BCLAF1: variants seen among roughly 807,000 people sequenced by gnomAD.
BCLAF1 encodes the protein bcl-2-associated transcription factor 1.
Under a neutral mutation model 99.5 loss-of-function variants are expected in BCLAF1, and 10 were observed. The observed-to-expected ratio is 0.10, with a 90% CI of 0.06 to 0.17. The LOEUF is 0.17. Ranked by LOEUF, BCLAF1 falls within the 10% of genes least tolerant of loss-of-function variation. BCLAF1 has a pLI of 1.00. For missense variants in BCLAF1, 636 were observed against 1,105.8 expected, an observed-to-expected ratio of 0.58 and a Z score of 6.02; for synonymous variants, 255 against 370.9, an observed-to-expected ratio of 0.69 and a Z score of 3.59.
rs76890371 is a variant in BCLAF1, at chr6:136,261,103, A to C, written c.*7T>G. 1 of 1,577,596 alleles carries C rather than the reference A, an allele frequency of 6.3e-7. No individual in the cohort carries two copies. The highest frequency in any genetic ancestry group is 1.4e-5 in the African/African-American group (1 of 72,882). The stretch of plus-strand genomic sequence containing the variant: ...TTCTGCTCTGTTGTAATCTTACTTC[A>C]TATTTATTATTCCTAAAAGAGAGAG... On this transcript the variant is annotated 3_prime_UTR_variant, in exon 13 of 13. Transcript: ENST00000531224.
intron 2 of BCLAF1, among the ~76,000 whole-genome samples, chr6:136,281,032 G>A (rs1784326104): frequency 6.6e-6 from 1 of 152,124 alleles, no homozygotes; most frequent in Non-Finnish European, 1.5e-5. Flanking sequence ...AATAGTATTT[G>A]GAGGTACTAA....
chr6:136,282,339 CTT>C (rs1784482794), intron 2 of BCLAF1, among the ~76,000 whole-genome samples: 1 of 151,854 alleles, frequency 6.6e-6, no homozygotes, highest in South Asian at 2.1e-4. Context: ...TGTCCTGAGT[CTT>C]TTAGTAGATG....
In BCLAF1 at chr6:136,259,378, G is replaced by A. The variant is rs1780700524; in HGVS notation, c.*1732C>T. The A allele has an allele frequency of 6.6e-6, 1 of 151,904 alleles. No homozygotes were observed. The highest frequency in any genetic ancestry group is 1.5e-5 in the Non-Finnish European group (1 of 67,864). The allele number at this position is 151,904 out of a possible 1,614,324, so 9.4% of individuals were successfully genotyped here. ...TGATGTCTAACCAAGTAACTGTTAT[G>A]GTATTTATTTGTATACAATAAAAGG... On this transcript the variant is annotated 3_prime_UTR_variant, in exon 13 of 13. Coordinates refer to ENST00000531224, the MANE Select transcript of BCLAF1 (RefSeq NM_014739.3).
intron 1 of BCLAF1, among the ~76,000 whole-genome samples, chr6:136,283,397 T>C (rs1784642276): frequency 6.6e-6 from 1 of 152,144 alleles, no homozygotes; most frequent in Non-Finnish European, 1.5e-5. Context: ...TTGATACGTC[T>C]ACATTCAAAT....
At chr6:136,287,875 G>A (rs1785363256) in intron 1 of BCLAF1, among the ~76,000 whole-genome samples, 1 of 152,150 alleles carries the variant, frequency 6.6e-6, no homozygotes, top group Non-Finnish European at 1.5e-5. Flanking sequence ...ACAAAAATTA[G>A]CCCGGTGTGG....
intron 4 of BCLAF1, among the ~76,000 whole-genome samples, chr6:136,277,570 G>A (rs1783607356): frequency 6.6e-6 from 1 of 152,090 alleles, no homozygotes; most frequent in Non-Finnish European, 1.5e-5. Context: ...CTATCGCCCA[G>A]GCTGGAGTGC....
At chr6:136,277,838 A>T (rs750350948) in intron 4 of BCLAF1, 27 bp downstream of exon 4, 26 of 1,590,632 alleles carry the variant, frequency 1.6e-5, no homozygotes, top group Non-Finnish European at 2.2e-5. Context: ...CAATATTATA[A>T]TCTAGATTCT....
At chr6:136,278,841 CTGGT>C in intron 3 of BCLAF1, 65 bp from the exon 4 acceptor site, 6 of 1,363,374 alleles carry the variant, frequency 4.4e-6, no homozygotes, top group Non-Finnish European at 5.8e-6. Context: ...TCTAAATACT[CTGGT>C]TGAATATAAC....
At chr6:136,274,654 G>T (rs553514901) in intron 6 of BCLAF1, among the ~76,000 whole-genome samples, 1 of 151,898 alleles carries the variant, frequency 6.6e-6, no homozygotes, top group Non-Finnish European at 1.5e-5. Context: ...TTTTAAAAGC[G>T]GGGAGGGGAT....
rs1375259634 is a variant in BCLAF1, at chr6:136,257,147, A to G, written c.*3963T>C. ...ACCCAACCTTTTTCTATTTTCAAGAATATTACCTTCTGCACTTCATAAGTG... is the reference window on the plus strand; with the variant it reads ...ACCCAACCTTTTTCTATTTTCAAGAGTATTACCTTCTGCACTTCATAAGTG... On this transcript the variant is annotated 3_prime_UTR_variant, in exon 13 of 13. Transcript: ENST00000531224. The G allele has an allele frequency of 6.6e-6, 1 of 152,216 alleles. No individual in the cohort carries two copies. Among genetic ancestry groups the G allele is most frequent in the Non-Finnish European group, 1.5e-5 (1 of 68,040 alleles). 9.4% of individuals were successfully genotyped at this position (152,216 alleles called of 1,614,324 possible).
chr6:136,275,020 T>C (rs1375874189), intron 6 of BCLAF1, among the ~76,000 whole-genome samples: 1 of 152,088 alleles, frequency 6.6e-6, no homozygotes, highest in Non-Finnish European at 1.5e-5. Context: ...TTTCTTGTTT[T>C]ATCATTTTAA....
rs892330681 is a variant in BCLAF1 at position 136,259,061 on chromosome 6, A to C, written c.*2049T>G. On this transcript the variant is annotated 3_prime_UTR_variant, in exon 13 of 13. Coordinates refer to ENST00000531224, the MANE Select transcript of BCLAF1 (RefSeq NM_014739.3). Reference sequence around the variant, plus strand: ...TGGAGTTAAGATGTGTTTTTAAAAAATATACAGGCTTTTTATATGCTTGGA... The same window carrying C: ...TGGAGTTAAGATGTGTTTTTAAAAACTATACAGGCTTTTTATATGCTTGGA... 5 of 152,240 alleles carry C rather than the reference A, an allele frequency of 3.3e-5. No individual in the cohort carries two copies. Among genetic ancestry groups the C allele is most frequent in the Non-Finnish European group, 7.4e-5 (5 of 67,896 alleles). The allele number at this position is 152,240 out of a possible 1,614,324, so 9.4% of individuals were successfully genotyped here.
rs932331705 is a variant in BCLAF1 at position 136,259,172 on chromosome 6, T to C, written c.*1938A>G. 6.6e-6 allele frequency: 1 copy of C among 152,070 alleles called. No homozygotes were observed. The highest frequency in any genetic ancestry group is 2.4e-5 in the African/African-American group (1 of 41,464). The allele number at this position is 152,070 out of a possible 1,614,324, so 9.4% of individuals were successfully genotyped here. On this transcript the variant is annotated 3_prime_UTR_variant, in exon 13 of 13. Transcript: ENST00000531224. Reference sequence around the variant, plus strand: ...CTACTACACTCTGGTATAATACTCTTTCTTCAATTCTGTTTAACAGAATAA... The same window carrying C: ...CTACTACACTCTGGTATAATACTCTCTCTTCAATTCTGTTTAACAGAATAA...
chr6:136,261,158 A>C, intron 12 of BCLAF1, 43 bp from the exon 13 acceptor site: 3 of 1,564,582 alleles, frequency 1.9e-6, no homozygotes, highest in South Asian at 2.4e-5. Flanking sequence ...AAAGATGCGG[A>C]GAGTGAAAAG....
intron 4 of BCLAF1, among the ~76,000 whole-genome samples, chr6:136,277,259 C>A (rs1783563033): frequency 6.6e-6 from 1 of 152,158 alleles, no homozygotes; most frequent in Non-Finnish European, 1.5e-5. Context: ...TATAGTCAGG[C>A]TGAAATCATT....
intron 1 of BCLAF1, among the ~76,000 whole-genome samples, chr6:136,284,746 C>T (rs1784894218): frequency 6.6e-6 from 1 of 152,076 alleles, no homozygotes; most frequent in African/African-American, 2.4e-5. Flanking sequence ...TAAGTTAAGA[C>T]TTAAGCTCCC....
rs774294795 is a variant in BCLAF1, at chr6:136,273,166, G to T, written c.1874C>A (p.Ala625Glu). ...HVKEQYFKSA[A>E]MTLNERFTSY... ...AGTGAACCGCTCGTTTAGGGTCATT[G>T]CAGCTGACTTGAAGTATTGCTCTGT... Residue 625 changes from alanine (A) to glutamate (E), a missense_variant, in exon 7 of 13, where the codon GCA becomes GAA. This residue lies in a region of BCLAF1 where 180 missense variants were observed against 270.0 expected (regional missense o/e 0.67). Transcript: ENST00000531224. The T allele has an allele frequency of 6.2e-7, 1 of 1,611,984 alleles. No homozygotes were observed. The highest frequency in any genetic ancestry group is 1.1e-5 in the South Asian group (1 of 91,004).
chr6:136,274,261 G>C (rs1782937981), intron 6 of BCLAF1: 4 of 710,724 alleles, frequency 5.6e-6, no homozygotes, highest in Non-Finnish European at 6.1e-6. Context: ...GTTCAGATCG[G>C]TTGCACAATA....
intron 1 of BCLAF1, among the ~76,000 whole-genome samples, chr6:136,289,217 GT>G (rs1785592262): frequency 6.6e-6 from 1 of 152,358 alleles, no homozygotes; most frequent in South Asian, 2.1e-4. Flanking sequence ...TTTGCTGCGG[GT>G]CACAGTTATT....
Sources: gnomAD v4.1 joint callset for allele counts (sites outside exome capture counted in the v4.1 genomes callset) on GRCh38, gnomAD v4.1.1 for gene constraint, gnomAD v4.1.1 regional missense constraint, MANE v1.5 for transcripts, NCBI Gene and HGNC (gene_info 2026-07-23, HGNC 2026-07-21) for gene names.